The following AGPAT5 variants were observed in gnomAD, a reference collection of about 807,000 sequenced individuals.
AGPAT5 encodes the protein 1-acylglycerol-3-phosphate O-acyltransferase 5, also known as 1-acyl-sn-glycerol-3-phosphate acyltransferase epsilon.
AGPAT5 carries 46 observed loss-of-function variants against 45.6 expected under a neutral mutation model. The observed-to-expected ratio is 1.01, with a 90% CI of 0.80 to 1.29. The LOEUF is 1.29. Ranked by LOEUF, AGPAT5 falls within the 50% of genes most tolerant of loss-of-function variation. The pLI is 0.00. For synonymous variants in AGPAT5, 272 were observed against 167.0 expected, an observed-to-expected ratio of 1.63 and a Z score of -4.85; for missense variants, 673 against 450.7, an observed-to-expected ratio of 1.49 and a Z score of -4.47.
intron 7 of AGPAT5, among the ~76,000 whole-genome samples, chr8:6,755,628 G>T (rs1046677909): frequency 6.6e-6 from 1 of 152,184 alleles, no homozygotes; most frequent in Non-Finnish European, 1.5e-5. Context: ...GGAAATAGAA[G>T]GGGGCAGTTG....
At position 6,760,487 on chromosome 8, in the gene AGPAT5, AAGAG is replaced by A. The variant is rs151257886; in HGVS notation, c.*3105_*3108del. ...AGATATGTACCACAAAAAATGTGAA[AAGAG>A]AGAGAAATGTCTACCAAAGCAGTAT... is the stretch of plus-strand genomic sequence containing the variant. On this transcript the variant is annotated 3_prime_UTR_variant, in exon 8 of 8. Coordinates refer to ENST00000285518, the MANE Select transcript of AGPAT5 (RefSeq NM_018361.5). Among the ~76,000 whole-genome samples, 3 of 152,210 alleles carry A rather than the reference AAGAG, an allele frequency of 2.0e-5. No individual in the cohort carries two copies. Among genetic ancestry groups the A allele is most frequent in the African/African-American group, 4.8e-5 (2 of 41,458 alleles).
chr8:6,727,224 C>G (rs1456547628), intron 2 of AGPAT5, among the ~76,000 whole-genome samples: 1 of 152,178 alleles, frequency 6.6e-6, no homozygotes, highest in Non-Finnish European at 1.5e-5. Context: ...AAAGAATTGA[C>G]ATTTAAATTA....
chr8:6,728,500 TA>T (rs1161325655), intron 2 of AGPAT5, among the ~76,000 whole-genome samples: 18 of 152,258 alleles, frequency 1.2e-4, no homozygotes, highest in Admixed American at 5.2e-4. Context: ...CAGGGCAGCT[TA>T]TTATGAACAT....
At chr8:6,710,758 A>G (rs1199507938) in intron 1 of AGPAT5, among the ~76,000 whole-genome samples, 1 of 152,238 alleles carries the variant, frequency 6.6e-6, no homozygotes. Context: ...ATAGAGGAAT[A>G]AATAGCTATC....
chr8:6,715,301 T>C (rs928669769), intron 1 of AGPAT5, among the ~76,000 whole-genome samples: 10 of 152,152 alleles, frequency 6.6e-5, no homozygotes, highest in African/African-American at 2.2e-4. Context: ...AAGGGCCAGC[T>C]TGGAAGGTAA....
At chr8:6,718,875 G>A (rs908160581) in intron 1 of AGPAT5, among the ~76,000 whole-genome samples, 1 of 152,192 alleles carries the variant, frequency 6.6e-6, no homozygotes, top group Non-Finnish European at 1.5e-5. Flanking sequence ...TTATGTCCTT[G>A]AGAAGCAGCA....
At chr8:6,746,982 T>C (rs1375746883) in intron 5 of AGPAT5, among the ~76,000 whole-genome samples, 1 of 152,176 alleles carries the variant, frequency 6.6e-6, no homozygotes, top group Non-Finnish European at 1.5e-5. Flanking sequence ...AAAGAACCTT[T>C]TAAAAATATG....
At chr8:6,748,372 G>C (rs996650431) in intron 6 of AGPAT5, among the ~76,000 whole-genome samples, 3 of 152,150 alleles carry the variant, frequency 2.0e-5, no homozygotes, top group African/African-American at 7.2e-5. Flanking sequence ...ACCAAACATA[G>C]TGTTAGCTGT....
intron 4 of AGPAT5, among the ~76,000 whole-genome samples, chr8:6,735,998 C>T (rs757383587): frequency 3.0e-4 from 46 of 151,928 alleles, no homozygotes; most frequent in Non-Finnish European, 5.3e-4. Flanking sequence ...GGATTACAGG[C>T]GTGCACCGCC....
Position 6,730,722 on chromosome 8 carries a change from GTTGCTGACATC to G in AGPAT5, c.305_315del (p.Ala102GlyfsTer43), listed in dbSNP as rs773922038. 3.1e-6 allele frequency: 5 copies of G among 1,613,094 alleles called. No individual in the cohort carries two copies. The South Asian group carries it at 5.5e-5, about 18-fold the overall frequency. ...TCCTGTCTCTGCAGTTGACTGGATT[GTTGCTGACATC>G]TTGGCCATCAGGCAGAATGCGCTAG... On this transcript the variant is annotated frameshift_variant, in exon 3 of 8. Transcript: ENST00000285518. LOFTEE classifies it high-confidence loss of function.
chr8:6,722,693 C>T (rs1587010642), intron 1 of AGPAT5, among the ~76,000 whole-genome samples: 1 of 152,156 alleles, frequency 6.6e-6, no homozygotes, highest in Admixed American at 6.5e-5. Flanking sequence ...TTCAGGCCTT[C>T]TCCTGAAAGC....
At chr8:6,716,038 A>G (rs948981720) in intron 1 of AGPAT5, among the ~76,000 whole-genome samples, 1 of 151,964 alleles carries the variant, frequency 6.6e-6, no homozygotes, top group African/African-American at 2.4e-5. Flanking sequence ...CCCACATTAG[A>G]CCGCTCCTCT....
chr8:6,746,107 C>A (rs1801449944), intron 5 of AGPAT5: 1 of 151,208 alleles, frequency 6.6e-6, no homozygotes, highest in Non-Finnish European at 1.5e-5. Context: ...CCTTCTCTCC[C>A]CCACTCCCCA....
At chr8:6,709,077 G>A (rs915265529) in intron 1 of AGPAT5, 190 bp downstream of exon 1, 6 of 690,690 alleles carry the variant, frequency 8.7e-6, no homozygotes, top group Non-Finnish European at 1.3e-5. Flanking sequence ...TCTCTAGGAA[G>A]CTGTGGCTGC....
chr8:6,751,499 A>G (rs887129934), intron 6 of AGPAT5, among the ~76,000 whole-genome samples: 1 of 152,210 alleles, frequency 6.6e-6, no homozygotes, highest in Admixed American at 6.5e-5. Context: ...AACAAATGCT[A>G]CAGGAATTCT....
chr8:6,741,290 A>G (rs1563299069), intron 4 of AGPAT5, among the ~76,000 whole-genome samples: 2 of 152,084 alleles, frequency 1.3e-5, no homozygotes, highest in African/African-American at 2.4e-5. Flanking sequence ...TAAAATTTGT[A>G]TTTCTAAAAA....
Position 6,730,871 on chromosome 8 carries a change from A to T in AGPAT5, c.405+45A>T, listed in dbSNP as rs541437406. On this transcript the variant is annotated intron_variant, in intron 3 of 7. Transcript: ENST00000285518. ...TTCTCTCTATATATGTAGTTTATAA[A>T]TTTTTTTTTTTTTTTTTGGAGACAG... The T allele has an allele frequency of 4.4e-3, 4,118 of 936,066 alleles. 21 individuals carry two copies. The highest frequency in any genetic ancestry group is 5.1e-3 in the South Asian group (265 of 52,340). The allele number at this position is 936,066 out of a possible 1,614,324, so 58.0% of individuals were successfully genotyped here.
chr8:6,713,900 G>C (rs745532145), intron 1 of AGPAT5, among the ~76,000 whole-genome samples: 1 of 152,162 alleles, frequency 6.6e-6, no homozygotes, highest in Non-Finnish European at 1.5e-5. Context: ...TTTATCTAGA[G>C]AACATTTATA....
intron 7 of AGPAT5, 84 bp downstream of exon 7, chr8:6,755,258 G>A (rs1801796663): frequency 7.4e-7 from 1 of 1,352,282 alleles, no homozygotes; most frequent in South Asian, 1.4e-5. Context: ...CAATGTAAAT[G>A]GTTATATTGT....
Sources: allele counts gnomAD v4.1 joint callset (sites outside exome capture counted in the v4.1 genomes callset), GRCh38; gene constraint gnomAD v4.1.1; transcripts MANE v1.5; gene names NCBI Gene and HGNC (gene_info 2026-07-23, HGNC 2026-07-21).